The following HPSE variants were observed in gnomAD, a reference collection of about 807,000 sequenced individuals.
HPSE encodes the protein endo-glucoronidase.
A neutral mutation model predicts 65.1 loss-of-function variants in HPSE; 48 were observed. That is an observed-to-expected ratio of 0.74 (90% confidence interval 0.58 to 0.94). The LOEUF (loss-of-function observed/expected upper bound fraction) is 0.94, where lower values mean the gene tolerates loss of function less well. Among genes scored for constraint, HPSE ranks in the 40% least tolerant of loss-of-function variants. The probability of loss-of-function intolerance (pLI) is 0.00; values close to 1 mark genes in which losing one functional copy is unlikely to be tolerated. For synonymous variants in HPSE, 243 were observed against 260.0 expected, an observed-to-expected ratio of 0.93 and a Z score of 0.63; for missense variants, 644 against 637.5, an observed-to-expected ratio of 1.01 and a Z score of -0.11.
chr4:83,305,231 G>T (rs528024073), intron 9 of HPSE, among the ~76,000 whole-genome samples: 1 of 152,170 alleles, frequency 6.6e-6, no homozygotes, highest in African/African-American at 2.4e-5. Flanking sequence ...AGATAAAAAG[G>T]TCAGGAGTAG....
At chr4:83,325,544 A>G (rs1323597899) in intron 1 of HPSE, among the ~76,000 whole-genome samples, 30 of 152,216 alleles carry the variant, frequency 2.0e-4, no homozygotes. Flanking sequence ...TTCAACAAAT[A>G]TTTGTTGCAG....
Position 83,310,066 on chromosome 4 carries a change from A to G in HPSE, c.855T>C (p.Ala285=). Residue 285 remains alanine, a synonymous_variant, in exon 6 of 12, where the codon GCT becomes GCC. Coordinates refer to ENST00000311412, the MANE Select transcript of HPSE (RefSeq NM_001098540.3). ...TAACTGAATCAATCACTTCTCCACCAGCCTTCAGGAAGCTAGAAAAAAAAT... is the reference window on the plus strand; with the variant it reads ...TAACTGAATCAATCACTTCTCCACCGGCCTTCAGGAAGCTAGAAAAAAAAT... The part of the protein sequence containing the change: ...TAKMLKSFLK[A]GGEVIDSVTW... 2 of 1,610,868 alleles carry G rather than the reference A, an allele frequency of 1.2e-6. No individual in the cohort carries two copies. Among genetic ancestry groups the G allele is most frequent in the South Asian group, 2.2e-5 (2 of 90,830 alleles).
At position 83,326,067 on chromosome 4, in the gene HPSE, G is replaced by A. The variant is rs1252312491; in HGVS notation, c.228-3703C>T. ...GCAACGGTGAGCCATGGAAGGATCT[G>A]AAGCAGCTGGAGTGACCTCACCAGA... On this transcript the variant is annotated intron_variant, in intron 1 of 11. Transcript: ENST00000311412. The surrounding 1 kb of genome is among the most constrained non-coding windows in gnomAD (Gnocchi z 4.2). Among the ~76,000 whole-genome samples, 1 of 152,178 alleles carries A rather than the reference G, an allele frequency of 6.6e-6. No homozygotes were observed. Among genetic ancestry groups the A allele is most frequent in the South Asian group, 2.1e-4 (1 of 4,828 alleles).
chr4:83,330,148 G>T (rs1737309265), intron 1 of HPSE, among the ~76,000 whole-genome samples: 1 of 152,216 alleles, frequency 6.6e-6, no homozygotes, highest in Non-Finnish European at 1.5e-5. Context: ...TAGCAGTATG[G>T]AGTTCAAACT....
chr4:83,312,841 C>CAAAAAAA lies in HPSE; in HGVS notation c.673+266_673+272dup, dbSNP rs1200808673. On this transcript the variant is annotated intron_variant, in intron 4 of 11. Transcript: ENST00000311412. ...TGAAACCCCGTCTCTACTAAAAATGCAAAAAAAAAAAAAAAAAAAAAAAAA... is the reference window on the plus strand; with the variant it reads ...TGAAACCCCGTCTCTACTAAAAATGCAAAAAAAAAAAAAAAAAAAAAAAAAAAAAAAA... Among the ~76,000 whole-genome samples the CAAAAAAA allele has an allele frequency of 3.8e-3, 42 of 10,992 alleles. 8 individuals carry two copies. The highest frequency in any genetic ancestry group is 0.018 in the African/African-American group (36 of 1,960). The allele number at this position is 10,992 out of a possible 152,430, so 7.2% of individuals were successfully genotyped here.
rs1210699524 is a variant in HPSE at position 83,321,204 on chromosome 4, C to A, written c.373+1015G>T. Among the ~76,000 whole-genome samples the A allele has an allele frequency of 2.6e-5, 4 of 152,130 alleles. No homozygotes were observed. The East Asian group carries it at 7.7e-4, about 29-fold the overall frequency. ...CAGAGTGGGACTCTGTCTAAAAAAA[C>A]GCCCCCAAAACAAAAAACAAACCCA... On this transcript the variant is annotated intron_variant, in intron 2 of 11. Coordinates refer to ENST00000311412, the MANE Select transcript of HPSE (RefSeq NM_001098540.3).
intron 3 of HPSE, among the ~76,000 whole-genome samples, chr4:83,317,048 G>A (rs966605367): frequency 6.6e-6 from 1 of 152,112 alleles, no homozygotes; most frequent in South Asian, 2.1e-4. Context: ...ACAGGCGCCC[G>A]CCACCATGCC....
rs184729324 is a variant in HPSE, at chr4:83,333,561, G to A, written c.227+995C>T. 4.1e-3 allele frequency among the ~76,000 whole-genome samples: 622 copies of A among 152,282 alleles called. 2 individuals carry two copies. The highest frequency in any genetic ancestry group is 8.4e-3 in the Admixed American group (128 of 15,296). ...TGTGGCCATCTCTGGAGGCTCCCAGGGCCTAAATAAGAGGCCTAGAAGACC... is the reference window on the plus strand; with the variant it reads ...TGTGGCCATCTCTGGAGGCTCCCAGAGCCTAAATAAGAGGCCTAGAAGACC... On this transcript the variant is annotated intron_variant, in intron 1 of 11. Transcript: ENST00000311412.
chr4:83,310,176 C>T (rs573338305), intron 5 of HPSE, 98 bp from the exon 6 acceptor site: 2 of 743,650 alleles, frequency 2.7e-6, no homozygotes, highest in African/African-American at 3.6e-5. Context: ...CTGGTTACTG[C>T]TTTAGGATCA....
intron 1 of HPSE, among the ~76,000 whole-genome samples, chr4:83,323,302 C>T (rs1736999793): frequency 6.6e-6 from 1 of 152,050 alleles, no homozygotes; most frequent in Non-Finnish European, 1.5e-5. Context: ...CGACAGTGAA[C>T]CCTGCCGTGA....
rs755043826 is a variant in HPSE, at chr4:83,327,404, G to A, written c.228-5040C>T. 7.2e-5 allele frequency among the ~76,000 whole-genome samples: 11 copies of A among 152,114 alleles called. No individual in the cohort carries two copies. In the South Asian group the frequency reaches 8.3e-4, roughly 11 times the overall value. On this transcript the variant is annotated intron_variant, in intron 1 of 11. Coordinates refer to ENST00000311412, the MANE Select transcript of HPSE (RefSeq NM_001098540.3). The stretch of plus-strand genomic sequence containing the variant: ...CTTGTTTTGAGAAAATAATATTGAC[G>A]CCCTCTGACAAAAACTAGATTTAAT...
At chr4:83,310,208 T>G in intron 5 of HPSE, 130 bp from the exon 6 acceptor site, 1 of 613,898 alleles carries the variant, frequency 1.6e-6, no homozygotes. Flanking sequence ...ACTTCCTAAT[T>G]TTGATAGCAA....
At chr4:83,321,413 T>C (rs1370965000) in intron 2 of HPSE, among the ~76,000 whole-genome samples, 1 of 152,198 alleles carries the variant, frequency 6.6e-6, no homozygotes, top group Non-Finnish European at 1.5e-5. Context: ...ATAATGAATA[T>C]ATACGTTATA....
chr4:83,305,464 C>T (rs528895157), intron 9 of HPSE, among the ~76,000 whole-genome samples: 1 of 152,308 alleles, frequency 6.6e-6, no homozygotes, highest in South Asian at 2.1e-4. Flanking sequence ...TATATTTTCA[C>T]GTACGCTCTT....
In HPSE at chr4:83,295,202, A is replaced by G. The variant is rs1735676038; in HGVS notation, c.*142T>C. 1 of 575,632 alleles carries G rather than the reference A, an allele frequency of 1.7e-6. No homozygotes were observed. Among genetic ancestry groups the G allele is most frequent in the Non-Finnish European group, 3.0e-6 (1 of 329,494 alleles). 35.7% of individuals were successfully genotyped at this position (575,632 alleles called of 1,614,324 possible). ...CTAGCGAGATCAAAATACTGTGCTA[A>G]ATCTAGCACTGACAGTGTCCCAGTG... is the stretch of plus-strand genomic sequence containing the variant. On this transcript the variant is annotated 3_prime_UTR_variant, in exon 12 of 12. Transcript: ENST00000311412.
chr4:83,318,838 T>C (rs150299019), intron 3 of HPSE, among the ~76,000 whole-genome samples: 1 of 152,154 alleles, frequency 6.6e-6, no homozygotes, highest in Non-Finnish European at 1.5e-5. Context: ...GTAGCTGAGC[T>C]AGCCCTGTGT....
chr4:83,299,094 T>G (rs998678816), intron 11 of HPSE, among the ~76,000 whole-genome samples: 38 of 152,008 alleles, frequency 2.5e-4, no homozygotes, highest in African/African-American at 8.2e-4. Context: ...CAGGGCACGG[T>G]GGCTCACTCG....
chr4:83,309,013 G>C, intron 7 of HPSE, 62 bp from the exon 8 acceptor site: 1 of 1,307,602 alleles, frequency 7.6e-7, no homozygotes, highest in Non-Finnish European at 1.1e-6. Context: ...TTCAACTGTG[G>C]TGTTGAAGAT....
chr4:83,316,506 T>C (rs1210073373), intron 3 of HPSE, among the ~76,000 whole-genome samples: 1 of 152,116 alleles, frequency 6.6e-6, no homozygotes, highest in Non-Finnish European at 1.5e-5. Flanking sequence ...ATAACCAAGA[T>C]GACACATTGA....
Sources: allele counts gnomAD v4.1 joint callset (sites outside exome capture counted in the v4.1 genomes callset), GRCh38; gene constraint gnomAD v4.1.1; non-coding constraint Gnocchi (gnomAD v3.1); transcripts MANE v1.5; gene names NCBI Gene and HGNC (gene_info 2026-07-23, HGNC 2026-07-21).